Variants in NPAS3 observed in about 807,000 individuals in gnomAD.
NPAS3 encodes the protein neuronal PAS domain-containing protein 3.
A neutral mutation model predicts 73.1 loss-of-function variants in NPAS3; 14 were observed. The observed-to-expected ratio is 0.19, with a 90% CI of 0.13 to 0.30. The LOEUF is 0.30. Ranked by LOEUF, NPAS3 falls within the 10% of genes least tolerant of loss-of-function variation. The pLI, the probability that NPAS3 is intolerant of heterozygous loss-of-function variation, is 1.00. For missense variants in NPAS3, 1,096 were observed against 1,250.0 expected, an observed-to-expected ratio of 0.88 and a Z score of 1.86; for synonymous variants, 620 against 541.5, an observed-to-expected ratio of 1.14 and a Z score of -2.01.
intron 3 of NPAS3, among the ~76,000 whole-genome samples, chr14:33,321,005 GC>G: frequency 1.3e-5 from 2 of 152,198 alleles, no homozygotes; most frequent in South Asian, 4.1e-4. Flanking sequence ...AGAGAACATT[GC>G]TTCTCAGAAT....
chr14:33,265,764 T>C (rs2040786049), intron 3 of NPAS3, among the ~76,000 whole-genome samples: 1 of 152,112 alleles, frequency 6.6e-6, no homozygotes, highest in Non-Finnish European at 1.5e-5. Flanking sequence ...ACTTTCTTTG[T>C]TACTTTTTTA....
At chr14:33,573,755 A>G (rs1595184465) in intron 5 of NPAS3, among the ~76,000 whole-genome samples, 1 of 152,192 alleles carries the variant, frequency 6.6e-6, no homozygotes, top group South Asian at 2.1e-4. Context: ...AAAGTGCAAT[A>G]TTAGATTTGT....
intron 7 of NPAS3, among the ~76,000 whole-genome samples, chr14:33,753,844 G>A (rs10129661): frequency 0.065 from 9,818 of 152,094 alleles, 1,040 homozygotes; most frequent in African/African-American, 0.22. Flanking sequence ...TGCTACAAGA[G>A]CAACAAAATA....
chr14:33,641,825 C>T (rs762846690), intron 5 of NPAS3, among the ~76,000 whole-genome samples: 6 of 151,926 alleles, frequency 3.9e-5, no homozygotes, highest in African/African-American at 7.3e-5. Context: ...AATGGTACAG[C>T]GGCATCGTGT....
chr14:33,337,138 CAG>C (rs1336029265), intron 3 of NPAS3, among the ~76,000 whole-genome samples: 1 of 152,080 alleles, frequency 6.6e-6, no homozygotes, highest in Non-Finnish European at 1.5e-5. Flanking sequence ...GGTGTCATAT[CAG>C]AGAAATCTTT....
At chr14:33,257,166 T>A (rs1354651931) in intron 3 of NPAS3, among the ~76,000 whole-genome samples, 1 of 152,206 alleles carries the variant, frequency 6.6e-6, no homozygotes, top group African/African-American at 2.4e-5. Context: ...ACAGATGATC[T>A]TCTTCCTTCC....
At chr14:32,964,103 A>G (rs982163023) in intron 1 of NPAS3, among the ~76,000 whole-genome samples, 7 of 149,480 alleles carry the variant, frequency 4.7e-5, no homozygotes, top group South Asian at 4.3e-4. Context: ...ATCCAAAACA[A>G]TATTATCCCC....
intron 3 of NPAS3, among the ~76,000 whole-genome samples, chr14:33,329,246 C>T (rs963701080): frequency 1.3e-5 from 2 of 152,176 alleles, no homozygotes; most frequent in Non-Finnish European, 2.9e-5. Context: ...CTGCCTCTCC[C>T]TGCTCCCTGG....
intron 6 of NPAS3, among the ~76,000 whole-genome samples, chr14:33,696,125 CTT>C (rs1296509095): frequency 6.6e-6 from 1 of 152,152 alleles, no homozygotes; most frequent in African/African-American, 2.4e-5. Flanking sequence ...AATTAGTACT[CTT>C]GTCTTGTAAC....
At chr14:33,574,175 A>C (rs1017157422) in intron 5 of NPAS3, among the ~76,000 whole-genome samples, 2 of 152,162 alleles carry the variant, frequency 1.3e-5, no homozygotes, top group African/African-American at 4.8e-5. Context: ...CTGCAGTTTC[A>C]GAAAGAGGGA....
At chr14:33,060,661 C>A (rs943902930) in intron 2 of NPAS3, among the ~76,000 whole-genome samples, 1 of 152,194 alleles carries the variant, frequency 6.6e-6, no homozygotes, top group African/African-American at 2.4e-5. Flanking sequence ...CACCTGGATG[C>A]CTGGTTAGTG....
At chr14:33,322,465 T>A (rs1323429192) in intron 3 of NPAS3, among the ~76,000 whole-genome samples, 1 of 151,108 alleles carries the variant, frequency 6.6e-6, no homozygotes, top group Non-Finnish European at 1.5e-5. Context: ...TACGGGTGTG[T>A]GTGTCCTCTG....
chr14:33,571,495 C>A (rs146495827), intron 5 of NPAS3, among the ~76,000 whole-genome samples: 2 of 152,244 alleles, frequency 1.3e-5, no homozygotes, highest in African/African-American at 4.8e-5. Flanking sequence ...TTAAAGGGCA[C>A]ATCTAGCATA....
intron 4 of NPAS3, among the ~76,000 whole-genome samples, chr14:33,555,491 A>G (rs1277365213): frequency 6.6e-6 from 1 of 152,204 alleles, no homozygotes; most frequent in Non-Finnish European, 1.5e-5. Flanking sequence ...ACTGCATAGT[A>G]TATAATAGCT....
intron 5 of NPAS3, among the ~76,000 whole-genome samples, chr14:33,646,849 ATT>A (rs55915631): frequency 7.3e-5 from 11 of 150,634 alleles, no homozygotes; most frequent in East Asian, 2.0e-4. Flanking sequence ...TATTTATAAC[ATT>A]TTTTTTTTAC....
At chr14:33,295,904 T>G (rs1381363752) in intron 3 of NPAS3, among the ~76,000 whole-genome samples, 1 of 152,198 alleles carries the variant, frequency 6.6e-6, no homozygotes, top group Non-Finnish European at 1.5e-5. Flanking sequence ...TTCAGCAAGT[T>G]AAGACTTTAA....
At chr14:33,733,350 G>A (rs118148849) in intron 6 of NPAS3, among the ~76,000 whole-genome samples, 2,870 of 151,514 alleles carry the variant, frequency 0.019, 37 homozygotes, top group Middle Eastern at 0.045. Context: ...TCAAGCTCTC[G>A]GCATCCCTTA....
At chr14:33,040,114 A>G (rs2040303134) in intron 1 of NPAS3, among the ~76,000 whole-genome samples, 1 of 151,944 alleles carries the variant, frequency 6.6e-6, no homozygotes, top group African/African-American at 2.4e-5. Context: ...TTAGGCTGTT[A>G]GGATTGTGAC....
At chr14:33,322,373 G>A (rs575224210) in intron 3 of NPAS3, among the ~76,000 whole-genome samples, 1 of 152,238 alleles carries the variant, frequency 6.6e-6, no homozygotes, top group South Asian at 2.1e-4. Flanking sequence ...TCTATAAACT[G>A]GCTGCCAAAT....
Sources: allele counts gnomAD v4.1 joint callset (sites outside exome capture counted in the v4.1 genomes callset), GRCh38; gene constraint gnomAD v4.1.1; transcripts MANE v1.5; gene names NCBI Gene and HGNC (gene_info 2026-07-23, HGNC 2026-07-21).